GSPT1: variants seen among roughly 807,000 people sequenced by gnomAD.
The protein encoded by GSPT1 is G1 to S phase transition 1.
A neutral mutation model predicts 72.5 loss-of-function variants in GSPT1; 20 were observed. The observed-to-expected ratio is 0.28, with a 90% confidence interval of 0.19 to 0.40. The LOEUF is 0.40. Among genes scored for constraint, GSPT1 ranks in the 10% least tolerant of loss-of-function variants. The probability of loss-of-function intolerance (pLI) is 1.00; values close to 1 mark genes in which losing one functional copy is unlikely to be tolerated. For synonymous variants in GSPT1, 334 were observed against 293.5 expected (o/e 1.14, Z -1.41); for missense variants, 580 against 811.9 (o/e 0.71, Z 3.47).
chr16:11,868,250 G>C lies in GSPT1; in HGVS notation c.*4869C>G, dbSNP rs2053940212. ...CACAGGCACCAAGTCAGGCACAGTA[G>C]GTAGCTACAAATCGTAAGAAAAAGC... is the stretch of plus-strand genomic sequence containing the variant. On this transcript the variant is annotated 3_prime_UTR_variant, in exon 15 of 15. Transcript: ENST00000434724. The C allele has an allele frequency of 6.6e-6, 1 of 151,972 alleles. No homozygotes were observed. Among genetic ancestry groups the C allele is most frequent in the Non-Finnish European group, 1.5e-5 (1 of 68,016 alleles). 9.4% of individuals were successfully genotyped at this position (151,972 alleles called of 1,614,324 possible).
chr16:11,877,545 A>C lies in GSPT1; in HGVS notation c.1464T>G (p.Asp488Glu), dbSNP rs1206063730. The C allele has an allele frequency of 6.2e-7, 1 of 1,602,506 alleles. No homozygotes were observed. Among genetic ancestry groups the C allele is most frequent in the African/African-American group, 1.3e-5 (1 of 74,238 alleles). Reference sequence around the variant, plus strand: ...CTGGGGCTACGGTATCAGTCTCTACATCATCGGAAAGTATTCCAAGAACTT... The same window carrying C: ...CTGGGGCTACGGTATCAGTCTCTACCTCATCGGAAAGTATTCCAAGAACTT... Reference protein sequence around the residue: ...NVEVLGILSDDVETDTVAPGE... With the variant: ...NVEVLGILSDEVETDTVAPGE... The change falls in exon 12 of 15, where the codon GAT becomes GAG. Residue 488 changes from aspartate (D) to glutamate (E), a missense_variant. This residue lies in a region of GSPT1 where 120 missense variants were observed against 242.5 expected (regional missense o/e 0.49). Coordinates refer to ENST00000434724, the MANE Select transcript of GSPT1 (RefSeq NM_002094.4). The surrounding 1 kb of genome is among the most constrained non-coding windows in gnomAD (Gnocchi z 4.0).
chr16:11,886,236 G>A (rs935255578), intron 9 of GSPT1, among the ~76,000 whole-genome samples: 1 of 152,060 alleles, frequency 6.6e-6, no homozygotes, highest in South Asian at 2.1e-4. Flanking sequence ...GGGACTGGTA[G>A]CCAGTATTAA....
Position 11,915,844 on chromosome 16 carries a change from G to T in GSPT1, c.-124C>A. The T allele has an allele frequency of 6.9e-7, 1 of 1,449,962 alleles. No homozygotes were observed. Among genetic ancestry groups the T allele is most frequent in the South Asian group, 1.1e-5 (1 of 88,142 alleles). 89.8% of individuals were successfully genotyped at this position (1,449,962 alleles called of 1,614,324 possible). Reference sequence around the variant, plus strand: ...CGGGGCAGAAGGGCCGGGAGCTAGCGACAAAGATCCCCGGCGTCGCCGCGG... The same window carrying T: ...CGGGGCAGAAGGGCCGGGAGCTAGCTACAAAGATCCCCGGCGTCGCCGCGG... On this transcript the variant is annotated 5_prime_UTR_variant, in exon 1 of 15. Transcript: ENST00000434724.
chr16:11,879,023 C>A (rs1460603322), intron 11 of GSPT1, among the ~76,000 whole-genome samples: 3 of 150,160 alleles, frequency 2.0e-5, no homozygotes, highest in Non-Finnish European at 4.4e-5. Flanking sequence ...ATGCAGTGAG[C>A]CGAGATCGTG....
At position 11,877,337 on chromosome 16, in the gene GSPT1, A is replaced by T. The variant is rs1185443964; in HGVS notation, c.1602+70T>A. On this transcript the variant is annotated intron_variant, in intron 12 of 14. Coordinates refer to ENST00000434724, the MANE Select transcript of GSPT1 (RefSeq NM_002094.4). The surrounding 1 kb of genome is among the most constrained non-coding windows in gnomAD (Gnocchi z 4.0). ...CTGGCATGTCACAAATAATCAGGACAAAAGGCACTGATATTCTAATTTCAT... is the reference window on the plus strand; with the variant it reads ...CTGGCATGTCACAAATAATCAGGACTAAAGGCACTGATATTCTAATTTCAT... 1.7e-5 allele frequency: 18 copies of T among 1,075,220 alleles called. No homozygotes were observed. Among genetic ancestry groups the T allele is most frequent in the Non-Finnish European group, 2.4e-5 (18 of 747,202 alleles). The allele number at this position is 1,075,220 out of a possible 1,614,324, so 66.6% of individuals were successfully genotyped here. A position where few individuals can be genotyped will look rare whatever the true frequency, so the allele number is the denominator to read the frequency against.
Position 11,904,984 on chromosome 16 carries a change from C to A in GSPT1, c.353-6949G>T, listed in dbSNP as rs577663344. On this transcript the variant is annotated intron_variant, in intron 1 of 14. Transcript: ENST00000434724. ...CCTGTAGTCCCACGCAGGAGAATCA[C>A]TGGAACCTGGGAGGTGGAGGCTGCA... Among the ~76,000 whole-genome samples the A allele has an allele frequency of 2.2e-4, 33 of 152,316 alleles. No homozygotes were observed. The Middle Eastern group carries it at 0.017, about 78-fold the overall frequency.
intron 11 of GSPT1, among the ~76,000 whole-genome samples, chr16:11,879,922 CTAAAT>C (rs1292254412): frequency 1.3e-5 from 2 of 151,958 alleles, no homozygotes; most frequent in Admixed American, 1.3e-4. Flanking sequence ...AATAGTACAC[CTAAAT>C]TAAATACATT....
chr16:11,913,939 CAG>C (rs1279137073), intron 1 of GSPT1, among the ~76,000 whole-genome samples: 13 of 152,210 alleles, frequency 8.5e-5, no homozygotes, highest in South Asian at 2.1e-4. Flanking sequence ...CATACGTCAT[CAG>C]AGTGTTTCTC....
intron 6 of GSPT1, among the ~76,000 whole-genome samples, chr16:11,888,835 C>G (rs367779616): frequency 6.6e-6 from 1 of 152,176 alleles, no homozygotes; most frequent in Admixed American, 6.5e-5. Context: ...TTTATATAAA[C>G]GCAGTCAATT....
chr16:11,904,391 A>G (rs2054460006), intron 1 of GSPT1, among the ~76,000 whole-genome samples: 2 of 152,058 alleles, frequency 1.3e-5, no homozygotes, highest in African/African-American at 4.8e-5. Flanking sequence ...TTTAGTAGAG[A>G]TGGGGTTTCA....
chr16:11,907,058 G>T (rs2054499184), intron 1 of GSPT1, among the ~76,000 whole-genome samples: 1 of 152,206 alleles, frequency 6.6e-6, no homozygotes, highest in South Asian at 2.1e-4. Flanking sequence ...ACAGACAGTG[G>T]TGAACAGAGC....
At chr16:11,897,943 A>G in intron 2 of GSPT1, 51 bp downstream of exon 2, 7 of 1,435,350 alleles carry the variant, frequency 4.9e-6, no homozygotes, top group South Asian at 2.4e-5. Flanking sequence ...TACACACCAT[A>G]TAGACAACCT....
At chr16:11,891,004 C>G in intron 6 of GSPT1, 58 bp downstream of exon 6, 1 of 761,144 alleles carries the variant, frequency 1.3e-6, no homozygotes, top group African/African-American at 1.8e-5. Context: ...TCCAAAAGCA[C>G]TAAGTGGGCA....
At chr16:11,876,060 A>C in intron 13 of GSPT1, 26 bp downstream of exon 13, 1 of 1,522,232 alleles carries the variant, frequency 6.6e-7, no homozygotes, top group Non-Finnish European at 9.1e-7. Flanking sequence ...ATTAAAACAG[A>C]AATAAACCAA....
At chr16:11,889,396 G>C (rs2054226722) in intron 6 of GSPT1, among the ~76,000 whole-genome samples, 1 of 131,664 alleles carries the variant, frequency 7.6e-6, no homozygotes, top group African/African-American at 2.9e-5. Flanking sequence ...GGAGTGCAGT[G>C]GCACCATCTC....
At chr16:11,876,615 G>C (rs905054500) in intron 12 of GSPT1, among the ~76,000 whole-genome samples, 6 of 152,032 alleles carry the variant, frequency 3.9e-5, no homozygotes, top group African/African-American at 1.4e-4. Context: ...GTGGTGGTGG[G>C]CGCCTAAATC....
chr16:11,897,758 C>T (rs925238184), intron 3 of GSPT1, 82 bp downstream of exon 3: 7 of 739,806 alleles, frequency 9.5e-6, no homozygotes, highest in African/African-American at 3.5e-5. Context: ...TTACAATAAT[C>T]GTAACTTACA....
chr16:11,886,345 TA>T, intron 9 of GSPT1, 125 bp downstream of exon 9: 1 of 605,332 alleles, frequency 1.7e-6, no homozygotes, highest in Non-Finnish European at 2.8e-6. Flanking sequence ...AATATTTTCT[TA>T]AATTACTTAT....
chr16:11,904,807 C>T (rs969775747), intron 1 of GSPT1, among the ~76,000 whole-genome samples: 6 of 152,146 alleles, frequency 3.9e-5, no homozygotes, highest in African/African-American at 1.4e-4. Context: ...ATCTTCAAGC[C>T]GGGTGTAGTG....
Sources: allele counts gnomAD v4.1 joint callset (sites outside exome capture counted in the v4.1 genomes callset), GRCh38; gene constraint gnomAD v4.1.1; regional missense constraint gnomAD v4.1.1; non-coding constraint Gnocchi (gnomAD v3.1); transcripts MANE v1.5; gene names NCBI Gene and HGNC (gene_info 2026-07-23, HGNC 2026-07-21).